Variants in CCDC60 observed in about 807,000 individuals in gnomAD.
CCDC60 encodes the protein coiled-coil domain-containing protein 60.
Under a neutral mutation model 63.5 loss-of-function variants are expected in CCDC60, and 54 were observed. The observed-to-expected ratio is 0.85, with a 90% confidence interval of 0.68 to 1.07. The LOEUF (loss-of-function observed/expected upper bound fraction) is 1.07, where lower values mean the gene tolerates loss of function less well. CCDC60 is among the 50% of genes least tolerant of loss of function. The probability of loss-of-function intolerance (pLI) is 0.00; values close to 1 mark genes in which losing one functional copy is unlikely to be tolerated. For synonymous variants in CCDC60, 206 were observed against 238.8 expected (o/e 0.86, Z 1.27); for missense variants, 651 against 684.3 (o/e 0.95, Z 0.54).
intron 2 of CCDC60, among the ~76,000 whole-genome samples, chr12:119,446,000 A>G (rs917933471): frequency 2.0e-5 from 3 of 152,210 alleles, no homozygotes; most frequent in African/African-American, 7.2e-5. Context: ...GGATGCACCA[A>G]AATCTCACAG....
intron 1 of CCDC60, among the ~76,000 whole-genome samples, chr12:119,412,485 C>T (rs1956620788): frequency 6.6e-6 from 1 of 152,164 alleles, no homozygotes; most frequent in Non-Finnish European, 1.5e-5. Context: ...TTAGGTCACT[C>T]TTTGTTTCAT....
intron 1 of CCDC60, among the ~76,000 whole-genome samples, chr12:119,407,901 C>T (rs993091366): frequency 1.3e-5 from 2 of 152,144 alleles, no homozygotes; most frequent in African/African-American, 2.4e-5. Flanking sequence ...TGTGGTAGTT[C>T]AGTTATGGAA....
chr12:119,422,065 T>C (rs1219388780), intron 1 of CCDC60, among the ~76,000 whole-genome samples: 3 of 152,060 alleles, frequency 2.0e-5, no homozygotes, highest in Non-Finnish European at 1.5e-5. Flanking sequence ...TCTCAAAAAC[T>C]CATTGGGTCG....
chr12:119,476,573 T>C (rs1171021699), intron 3 of CCDC60, among the ~76,000 whole-genome samples: 1 of 152,174 alleles, frequency 6.6e-6, no homozygotes, highest in Non-Finnish European at 1.5e-5. Context: ...TCATCTCCAC[T>C]GGCCCCCTCC....
intron 2 of CCDC60, among the ~76,000 whole-genome samples, chr12:119,457,723 G>T (rs1206917369): frequency 6.6e-6 from 1 of 151,944 alleles, no homozygotes; most frequent in Non-Finnish European, 1.5e-5. Context: ...TGGCGGGGGG[G>T]AGAATAATAC....
chr12:119,430,615 C>T (rs899535804), intron 2 of CCDC60, among the ~76,000 whole-genome samples: 3 of 146,698 alleles, frequency 2.0e-5, no homozygotes, highest in Admixed American at 7.1e-5. Context: ...TGCTTTGAGC[C>T]GAGATCATGC....
At chr12:119,376,533 T>C (rs949007190) in intron 1 of CCDC60, among the ~76,000 whole-genome samples, 2 of 152,032 alleles carry the variant, frequency 1.3e-5, no homozygotes, top group African/African-American at 4.8e-5. Flanking sequence ...GAAGCTGAGG[T>C]GGGAGGATCG....
intron 1 of CCDC60, among the ~76,000 whole-genome samples, chr12:119,397,251 A>C (rs539782224): frequency 6.6e-6 from 1 of 152,160 alleles, no homozygotes. Flanking sequence ...CAACACTTCC[A>C]TGATCTGAAA....
intron 1 of CCDC60, among the ~76,000 whole-genome samples, chr12:119,364,364 T>C (rs1452906968): frequency 2.6e-5 from 4 of 152,166 alleles, no homozygotes; most frequent in African/African-American, 4.8e-5. Flanking sequence ...TCATACCCAT[T>C]TGAAGTCAAT....
intron 1 of CCDC60, among the ~76,000 whole-genome samples, chr12:119,391,070 T>C (rs1452378294): frequency 1.3e-5 from 2 of 152,172 alleles, no homozygotes; most frequent in African/African-American, 4.8e-5. Context: ...TCTGCATGAC[T>C]TTACTTTTTA....
intron 4 of CCDC60, among the ~76,000 whole-genome samples, chr12:119,482,845 G>A (rs955865389): frequency 1.3e-5 from 2 of 152,178 alleles, no homozygotes; most frequent in Non-Finnish European, 1.5e-5. Flanking sequence ...GATCTCGAAT[G>A]GTCTCATTCA....
intron 2 of CCDC60, among the ~76,000 whole-genome samples, chr12:119,457,716 C>CGGGGGGG (rs144305914): frequency 6.7e-5 from 10 of 150,302 alleles, no homozygotes; most frequent in African/African-American, 2.5e-4. Flanking sequence ...TGGTGGTTGG[C>CGGGGGGG]GGGGGGGAGA....
At chr12:119,340,464 A>AG (rs1196723541) in intron 1 of CCDC60, among the ~76,000 whole-genome samples, 2 of 152,110 alleles carry the variant, frequency 1.3e-5, no homozygotes, top group Admixed American at 1.3e-4. Context: ...TGCCTGAAGA[A>AG]GGGGGCAAAC....
chr12:119,435,171 T>C (rs1406628734), intron 2 of CCDC60, among the ~76,000 whole-genome samples: 1 of 152,190 alleles, frequency 6.6e-6, no homozygotes, highest in Admixed American at 6.5e-5. Flanking sequence ...CACACTAGCA[T>C]GTGAGCGATC....
At chr12:119,405,473 C>T (rs752543143) in intron 1 of CCDC60, among the ~76,000 whole-genome samples, 7 of 152,150 alleles carry the variant, frequency 4.6e-5, no homozygotes, top group Non-Finnish European at 8.8e-5. Context: ...GTAACAAAGT[C>T]GGGCTCTGTA....
At chr12:119,341,154 G>C (rs1351171708) in intron 1 of CCDC60, among the ~76,000 whole-genome samples, 2 of 152,204 alleles carry the variant, frequency 1.3e-5, no homozygotes, top group African/African-American at 2.4e-5. Context: ...GGCAATGCTT[G>C]CCTTAGCGAA....
chr12:119,523,249 T>C lies in CCDC60; in HGVS notation c.1103+248T>C, dbSNP rs139364086. Among the ~76,000 whole-genome samples the C allele has an allele frequency of 2.1e-3, 327 of 152,344 alleles. 1 individual carries two copies. Among genetic ancestry groups the C allele is most frequent in the African/African-American group, 7.4e-3 (309 of 41,578 alleles). On this transcript the variant is annotated intron_variant, in intron 10 of 13. Transcript: ENST00000327554. ...TGAAAAGCATTCTGTCTTCATTACC[T>C]TGCTTGTTCCTCAAAACCAATCCTA...
At chr12:119,508,642 G>C (rs1952123147) in intron 7 of CCDC60, among the ~76,000 whole-genome samples, 1 of 152,166 alleles carries the variant, frequency 6.6e-6, no homozygotes, top group African/African-American at 2.4e-5. Flanking sequence ...TGTTTGAACT[G>C]AGACCTGAAG....
chr12:119,538,027 G>T (rs747186348), intron 13 of CCDC60, among the ~76,000 whole-genome samples: 1 of 152,236 alleles, frequency 6.6e-6, no homozygotes, highest in South Asian at 2.1e-4. Context: ...CCCAGAGGTG[G>T]AATCTACAGA....
Sources: gnomAD v4.1 joint callset for allele counts (sites outside exome capture counted in the v4.1 genomes callset) on GRCh38, gnomAD v4.1.1 for gene constraint, MANE v1.5 for transcripts, NCBI Gene and HGNC (gene_info 2026-07-23, HGNC 2026-07-21) for gene names.